The following YLPM1 variants were observed in gnomAD, a reference collection of about 807,000 sequenced individuals.
YLPM1 encodes the protein YLP motif-containing protein 1.
YLPM1 carries 99 observed loss-of-function variants against 230.0 expected under a neutral mutation model. The observed-to-expected ratio is 0.43, with a 90% confidence interval of 0.37 to 0.51. YLPM1 has a LOEUF of 0.51. Among genes scored for constraint, YLPM1 ranks in the 20% least tolerant of loss-of-function variants. The pLI, the probability that YLPM1 is intolerant of heterozygous loss-of-function variation, is 0.00. For missense variants in YLPM1, 2,592 were observed against 2,707.7 expected, an observed-to-expected ratio of 0.96 and a Z score of 0.95; for synonymous variants, 984 against 942.5, an observed-to-expected ratio of 1.04 and a Z score of -0.81.
intron 15 of YLPM1, 27 bp downstream of exon 15, chr14:74,817,304 G>A (rs2091486772): frequency 1.3e-6 from 2 of 1,549,214 alleles, no homozygotes; most frequent in East Asian, 2.4e-5. Flanking sequence ...TAGAATAATA[G>A]AGTACTATCA....
At position 74,788,222 on chromosome 14, in the gene YLPM1, G is replaced by A. The variant is rs186972664; in HGVS notation, c.2282+5897G>A. ...TACAAGCTCCACCTCCCAGGTTCAC[G>A]CCATTCTCCTGCTTCAGCCTCCCAA... On this transcript the variant is annotated intron_variant, in intron 4 of 20. Transcript: ENST00000325680. Among the ~76,000 whole-genome samples the A allele has an allele frequency of 6.7e-3, 1,017 of 151,698 alleles. 9 individuals are homozygous for A. The highest frequency in any genetic ancestry group is 0.023 in the African/African-American group (958 of 41,352).
Position 74,782,045 on chromosome 14 carries a change from C to T in YLPM1, c.2002C>T (p.Pro668Ser), listed in dbSNP as rs374833509. The T allele has an allele frequency of 2.5e-6, 4 of 1,613,916 alleles. No homozygotes were observed. The African/African-American group carries it at 5.3e-5, about 22-fold the overall frequency. The part of the protein sequence containing the change: ...QSSQVPEKPR[P>S]ALLPTPVSFG... ...CTCGCAAGTTCCAGAGAAACCTAGACCAGCACTGCTTCCTACTCCTGTGTC... is the reference window on the plus strand; with the variant it reads ...CTCGCAAGTTCCAGAGAAACCTAGATCAGCACTGCTTCCTACTCCTGTGTC... Residue 668 changes from proline (P) to serine (S), a missense_variant, in exon 4 of 21, where the codon CCA becomes TCA. Physicochemically the swap from Pro to Ser is moderately conservative, Grantham distance 74. This residue lies in a region of YLPM1 where 1,862 missense variants were observed against 1,819.8 expected (regional missense o/e 1.02). Transcript: ENST00000325680.
chr14:74,824,115 G>T, intron 17 of YLPM1, 141 bp from the exon 18 acceptor site: 1 of 721,704 alleles, frequency 1.4e-6, no homozygotes, highest in Non-Finnish European at 2.3e-6. Context: ...TAATGAGATT[G>T]TGTTTCCCCT....
chr14:74,809,716 C>A lies in YLPM1; in HGVS notation c.4858C>A (p.Pro1620Thr). ...PPPVHSSIPP[P>T]GPVPMGMPPM... ...ACCTGTTCACTCTTCCATTCCCCCTCCTGGCCCAGTGCCTATGGGTATGCC... is the reference window on the plus strand; with the variant it reads ...ACCTGTTCACTCTTCCATTCCCCCTACTGGCCCAGTGCCTATGGGTATGCC... The change falls in exon 7 of 21, where the codon CCT (proline) becomes ACT (threonine). Residue 1620 changes from proline (P) to threonine (T), a missense_variant. Pro to Thr is a conservative substitution (Grantham distance 38, BLOSUM62 -1). Coordinates refer to ENST00000325680, the MANE Select transcript of YLPM1 (RefSeq NM_019589.3). The A allele has an allele frequency of 6.2e-7, 1 of 1,614,090 alleles. No homozygotes were observed. Among genetic ancestry groups the A allele is most frequent in the Non-Finnish European group, 8.5e-7 (1 of 1,179,908 alleles).
At chr14:74,804,306 G>A (rs2091356345) in intron 6 of YLPM1, among the ~76,000 whole-genome samples, 1 of 152,142 alleles carries the variant, frequency 6.6e-6, no homozygotes, top group Admixed American at 6.5e-5. Context: ...TCACCATGTG[G>A]CTACCTGGCT....
chr14:74,818,767 G>A (rs1028041881), intron 16 of YLPM1, among the ~76,000 whole-genome samples: 10 of 151,982 alleles, frequency 6.6e-5, no homozygotes, highest in African/African-American at 1.5e-4. Flanking sequence ...TCCCTATAAC[G>A]TGGTATATAG....
chr14:74,810,584 G>A (rs2091424935), intron 9 of YLPM1, among the ~76,000 whole-genome samples, 164 bp downstream of exon 9: 1 of 152,164 alleles, frequency 6.6e-6, no homozygotes, highest in African/African-American at 2.4e-5. Context: ...GTAGGTCCTT[G>A]ACTTGGTAGC....
intron 6 of YLPM1, among the ~76,000 whole-genome samples, chr14:74,802,906 T>C (rs2091341958): frequency 6.6e-6 from 1 of 152,178 alleles, no homozygotes; most frequent in African/African-American, 2.4e-5. Flanking sequence ...CAAGTACACC[T>C]GAACTACATA....
At position 74,836,431 on chromosome 14, in the gene YLPM1, C is replaced by G. The variant is rs776535697; in HGVS notation, c.*693C>G. 6.6e-6 allele frequency: 1 copy of G among 152,214 alleles called. No individual in the cohort carries two copies. Among genetic ancestry groups the G allele is most frequent in the African/African-American group, 2.4e-5 (1 of 41,444 alleles). The allele number at this position is 152,214 out of a possible 1,614,324, so 9.4% of individuals were successfully genotyped here. On this transcript the variant is annotated 3_prime_UTR_variant, in exon 21 of 21. Coordinates refer to ENST00000325680, the MANE Select transcript of YLPM1 (RefSeq NM_019589.3). The stretch of plus-strand genomic sequence containing the variant: ...TGAAGACTGACCAAGTTCAAATATT[C>G]ATCAGTTCCCTGGAGCATATCCATT...
chr14:74,780,893 T>G (rs1029299549), intron 3 of YLPM1, among the ~76,000 whole-genome samples: 2 of 152,034 alleles, frequency 1.3e-5, no homozygotes, highest in African/African-American at 4.8e-5. Context: ...ACTACAACAG[T>G]AACAGATAAG....
At chr14:74,805,656 T>G (rs941838145) in intron 6 of YLPM1, among the ~76,000 whole-genome samples, 7 of 151,618 alleles carry the variant, frequency 4.6e-5, no homozygotes, top group Non-Finnish European at 8.8e-5. Context: ...CAGCCAACAG[T>G]GATTTTAACG....
intron 11 of YLPM1, among the ~76,000 whole-genome samples, chr14:74,815,100 C>T (rs1485179100): frequency 6.6e-6 from 1 of 152,194 alleles, no homozygotes; most frequent in African/African-American, 2.4e-5. Context: ...CAGAGTCTCA[C>T]TATTGCCCAG....
At chr14:74,784,243 A>G (rs1263815436) in intron 4 of YLPM1, among the ~76,000 whole-genome samples, 1 of 152,170 alleles carries the variant, frequency 6.6e-6, no homozygotes, top group Non-Finnish European at 1.5e-5. Flanking sequence ...GGCTGTGTGA[A>G]TTTAGGACCT....
chr14:74,771,265 G>A (rs2090973601), intron 1 of YLPM1, among the ~76,000 whole-genome samples: 1 of 152,106 alleles, frequency 6.6e-6, no homozygotes, highest in Non-Finnish European at 1.5e-5. Flanking sequence ...TAAGATCTGG[G>A]AGACATAGAT....
chr14:74,827,621 A>G (rs1037889317), intron 18 of YLPM1: 1 of 985,274 alleles, frequency 1.0e-6, no homozygotes, highest in African/African-American at 1.7e-5. Flanking sequence ...TGGAACTGAA[A>G]TATGAAATTT....
chr14:74,819,180 T>G (rs192530030), intron 16 of YLPM1, among the ~76,000 whole-genome samples: 217 of 152,276 alleles, frequency 1.4e-3, no homozygotes, highest in South Asian at 3.5e-3. Context: ...CCTGAATTAA[T>G]TATTTATTTG....
intron 4 of YLPM1, among the ~76,000 whole-genome samples, chr14:74,786,879 A>G (rs910944648): frequency 2.0e-5 from 3 of 152,102 alleles, no homozygotes; most frequent in African/African-American, 7.2e-5. Context: ...ATTGTTAAAC[A>G]TTTTTCCAAA....
intron 16 of YLPM1, among the ~76,000 whole-genome samples, chr14:74,819,657 G>A (rs770320634): frequency 5.9e-5 from 9 of 152,020 alleles, no homozygotes; most frequent in Non-Finnish European, 1.2e-4. Flanking sequence ...CCATTGTCTG[G>A]CAACTCTTTC....
Position 74,778,077 on chromosome 14 carries a change from C to T in YLPM1, c.874-370C>T, listed in dbSNP as rs2091059544. ...GTTATATTCATTAATTACAAGACCC[C>T]TGTCAATAAATCGGAACAAACTGAA... On this transcript the variant is annotated intron_variant, in intron 1 of 20. Transcript: ENST00000325680. Among the ~76,000 whole-genome samples, 3 of 152,112 alleles carry T rather than the reference C, an allele frequency of 2.0e-5. 1 individual carries two copies. The highest frequency in any genetic ancestry group is 2.0e-4 in the Admixed American group (3 of 15,264).
Sources: gnomAD v4.1 joint callset for allele counts (sites outside exome capture counted in the v4.1 genomes callset) on GRCh38, gnomAD v4.1.1 for gene constraint, gnomAD v4.1.1 regional missense constraint, MANE v1.5 for transcripts, NCBI Gene and HGNC (gene_info 2026-07-23, HGNC 2026-07-21) for gene names.